PFKFB1: variants seen among roughly 807,000 people sequenced by gnomAD.
PFKFB1 encodes 6-phosphofructo-2-kinase/fructose-2,6-bisphosphatase 1.
Under a neutral mutation model 46.4 loss-of-function variants are expected in PFKFB1, and 34 were observed. That is an observed-to-expected ratio of 0.73 (90% CI 0.56 to 0.98). The LOEUF is 0.98. Ranked by LOEUF, PFKFB1 falls within the 50% of genes least tolerant of loss-of-function variation. The pLI is 0.00. For synonymous variants in PFKFB1, 119 were observed against 133.8 expected (o/e 0.89, Z 0.76); for missense variants, 393 against 376.3 (o/e 1.04, Z -0.37).
At chrX:54,975,478 C>T (rs73214612) in intron 1 of PFKFB1, among the ~76,000 whole-genome samples, 3,059 of 110,067 alleles carry the variant, frequency 0.028, 49 homozygotes, top group Non-Finnish European at 0.047. Flanking sequence ...TGGGGACTTG[C>T]GGGGAAGGAT....
At position 54,958,256 on chromosome X, in the gene PFKFB1, G is replaced by A. The variant is rs779049285; in HGVS notation, c.516+50C>T. The A allele has an allele frequency of 4.1e-5, 32 of 788,004 alleles. No individual in the cohort carries two copies. The South Asian group carries it at 7.0e-4, about 17-fold the overall frequency. The allele number at this position is 788,004 out of a possible 1,213,427, so 64.9% of individuals were successfully genotyped here. On this transcript the variant is annotated intron_variant, in intron 6 of 13. Transcript: ENST00000375006. ...ATAATCTCACCTCTGCCTTAGGCAT[G>A]ATCTAAGCCTAAGGCAGAGCAAAGT...
chrX:54,966,721 C>T (rs5960382), intron 1 of PFKFB1, among the ~76,000 whole-genome samples: 1,855 of 111,060 alleles, frequency 0.017, 22 homozygotes, highest in African/African-American at 0.058. Context: ...CTCGTTCTCA[C>T]TCTCCCTCTC....
At chrX:54,951,567 G>A (rs966225996) in intron 8 of PFKFB1, among the ~76,000 whole-genome samples, 10 of 112,607 alleles carry the variant, frequency 8.9e-5, no homozygotes, top group Non-Finnish European at 1.9e-4. Context: ...TAGACCAGGT[G>A]GGGAAGCTGC....
intron 1 of PFKFB1, among the ~76,000 whole-genome samples, chrX:54,964,354 T>C (rs1192039592): frequency 9.1e-6 from 1 of 110,356 alleles, no homozygotes; most frequent in Non-Finnish European, 1.9e-5. Flanking sequence ...AAAATAACAG[T>C]GGAATACATC....
At chrX:54,994,885 G>A, upstream of PFKFB1, 1 of 750,608 alleles carries the variant, frequency 1.3e-6, no homozygotes, top group Non-Finnish European at 1.6e-6. Flanking sequence ...GGGGCTGGAG[G>A]TGGGGGAATG....
At chrX:54,939,160 A>G (rs1306796766) in intron 10 of PFKFB1, among the ~76,000 whole-genome samples, 2 of 112,064 alleles carry the variant, frequency 1.8e-5, no homozygotes, top group Non-Finnish European at 3.8e-5. Flanking sequence ...ACATAACGAA[A>G]TGAAGGCAGA....
At chrX:54,961,109 C>T (rs1292873921) in intron 2 of PFKFB1, among the ~76,000 whole-genome samples, 192 bp from the exon 3 acceptor site, 1 of 111,237 alleles carries the variant, frequency 9.0e-6, no homozygotes, top group African/African-American at 3.3e-5. Context: ...ATCACTATTA[C>T]CATTTTATAA....
At position 54,933,598 on chromosome X, in the gene PFKFB1, G is replaced by A. The variant is rs41306753; in HGVS notation, c.1357-136C>T. ...TCCTGACCCTCAGGTAGGCCTGGGGGAATCTCAGCCTGAGGCCTTTTAGGC... is the reference window on the plus strand; with the variant it reads ...TCCTGACCCTCAGGTAGGCCTGGGGAAATCTCAGCCTGAGGCCTTTTAGGC... On this transcript the variant is annotated intron_variant, in intron 13 of 13. Transcript: ENST00000375006. The A allele has an allele frequency of 6.5e-3, 3,678 of 569,559 alleles. 14 individuals carry two copies. Among genetic ancestry groups the A allele is most frequent in the Non-Finnish European group, 8.5e-3 (2,953 of 345,759 alleles). The allele number at this position is 569,559 out of a possible 1,213,427, so 46.9% of individuals were successfully genotyped here.
At chrX:54,954,028 A>G (rs1446970057) in intron 7 of PFKFB1, among the ~76,000 whole-genome samples, 2 of 112,105 alleles carry the variant, frequency 1.8e-5, no homozygotes, top group Non-Finnish European at 3.8e-5. Context: ...CACCAAAAAT[A>G]GCAGAGTAGC....
At chrX:54,952,264 T>G (rs1289022618) in intron 7 of PFKFB1, 152 bp from the exon 8 acceptor site, 1 of 470,743 alleles carries the variant, frequency 2.1e-6, no homozygotes, top group African/African-American at 2.4e-5. Context: ...CTGTACCGAG[T>G]ACCTGTCCTA....
chrX:54,964,257 AGCCT>A (rs764599196), intron 1 of PFKFB1, among the ~76,000 whole-genome samples: 1 of 111,203 alleles, frequency 9.0e-6, no homozygotes, highest in South Asian at 3.9e-4. Flanking sequence ...ACCCAGGGTA[AGCCT>A]GCCTAAGACT....
At chrX:54,959,726 C>T (rs1934254954) in intron 4 of PFKFB1, 101 bp downstream of exon 4, 2 of 537,434 alleles carry the variant, frequency 3.7e-6, no homozygotes, top group South Asian at 2.7e-5. Context: ...TATGCAAATA[C>T]TCAGAACATA....
chrX:54,962,167 T>G (rs1234005385), intron 2 of PFKFB1, among the ~76,000 whole-genome samples: 1 of 111,186 alleles, frequency 9.0e-6, no homozygotes. Context: ...ATGGGGCCCT[T>G]AAGGCAGAAA....
intron 2 of PFKFB1, among the ~76,000 whole-genome samples, chrX:54,961,177 T>C (rs1934303061): frequency 9.0e-6 from 1 of 111,072 alleles, no homozygotes; most frequent in African/African-American, 3.3e-5. Flanking sequence ...AGTTATTTCC[T>C]ATCTGTGGAT....
intron 10 of PFKFB1, among the ~76,000 whole-genome samples, chrX:54,943,852 G>C (rs1016522342): frequency 2.7e-5 from 3 of 111,773 alleles, no homozygotes; most frequent in South Asian, 3.7e-4. Context: ...TGAGGTGCAA[G>C]GGGCAAGAAT....
intron 8 of PFKFB1, among the ~76,000 whole-genome samples, chrX:54,950,005 G>T (rs1263090711): frequency 8.9e-6 from 1 of 111,817 alleles, no homozygotes; most frequent in Non-Finnish European, 1.9e-5. Context: ...TTGTTCTCAA[G>T]ACATGGCCAG....
intron 10 of PFKFB1, among the ~76,000 whole-genome samples, chrX:54,939,255 G>A (rs1032913654): frequency 1.6e-4 from 18 of 111,114 alleles, no homozygotes; most frequent in Non-Finnish European, 3.0e-4. Flanking sequence ...TGTGTACAGG[G>A]AAATTTATAG....
At chrX:54,988,709 T>C (rs746079735) in intron 1 of PFKFB1, among the ~76,000 whole-genome samples, 4 of 111,723 alleles carry the variant, frequency 3.6e-5, no homozygotes, top group African/African-American at 1.3e-4. Flanking sequence ...CTGATTTTCA[T>C]CAAGGGTGCC....
At chrX:54,974,460 G>T (rs1934781338) in intron 1 of PFKFB1, among the ~76,000 whole-genome samples, 2 of 111,655 alleles carry the variant, frequency 1.8e-5, no homozygotes, top group South Asian at 7.4e-4. Flanking sequence ...ACTCAAGATG[G>T]ATCAAAGACC....
Sources: allele counts gnomAD v4.1 joint callset (sites outside exome capture counted in the v4.1 genomes callset), GRCh38; gene constraint gnomAD v4.1.1; transcripts MANE v1.5; gene names NCBI Gene and HGNC (gene_info 2026-07-23, HGNC 2026-07-21).